The following CTNNA2 variants were observed in gnomAD, a reference collection of about 807,000 sequenced individuals.
The protein encoded by CTNNA2 is catenin alpha-2.
In CTNNA2, 42 loss-of-function variants were observed where a neutral mutation model predicts 101.0. That is an observed-to-expected ratio of 0.42 (90% CI 0.32 to 0.54). CTNNA2 has a LOEUF of 0.54. CTNNA2 is among the 20% of genes least tolerant of loss of function. The pLI, the probability that CTNNA2 is intolerant of heterozygous loss-of-function variation, is 0.14. For synonymous variants in CTNNA2, 450 were observed against 456.4 expected (o/e 0.99, Z 0.18); for missense variants, 871 against 1,223.1 (o/e 0.71, Z 4.29).
chr2:80,477,903 G>A (rs971969022), intron 9 of CTNNA2, among the ~76,000 whole-genome samples: 2 of 152,086 alleles, frequency 1.3e-5, no homozygotes, highest in African/African-American at 4.8e-5. Context: ...CCTTTGGGTA[G>A]ATATCCAGTA....
intron 8 of CTNNA2, among the ~76,000 whole-genome samples, chr2:80,408,596 T>C (rs376949372): frequency 1.3e-5 from 2 of 152,342 alleles, no homozygotes; most frequent in Middle Eastern, 3.4e-3. Context: ...AAGAAGCTTG[T>C]GCCTATTCAC....
rs565180019 is a variant in CTNNA2 at position 80,506,658 on chromosome 2, A to G, written c.1291-38324A>G. ...AGAGTCTATCTTAAATGCTGTGTGG[A>G]GGAAATAGATTAAGTGGGACAACTC... On this transcript the variant is annotated intron_variant, in intron 9 of 18. Coordinates refer to ENST00000402739, the MANE Select transcript of CTNNA2 (RefSeq NM_001282597.3). Among the ~76,000 whole-genome samples, 3 of 152,234 alleles carry G rather than the reference A, an allele frequency of 2.0e-5. No individual in the cohort carries two copies. In the South Asian group the frequency reaches 6.2e-4, roughly 32 times the overall value.
At chr2:80,172,095 G>T (rs751864190) in intron 7 of CTNNA2, among the ~76,000 whole-genome samples, 2 of 152,148 alleles carry the variant, frequency 1.3e-5, no homozygotes, top group Non-Finnish European at 2.9e-5. Context: ...TCATGACAGG[G>T]AGCGGTTTCC....
intron 4 of CTNNA2, among the ~76,000 whole-genome samples, chr2:79,435,217 G>A (rs1000344270): frequency 8.5e-5 from 13 of 152,142 alleles, no homozygotes; most frequent in Non-Finnish European, 1.8e-4. Context: ...TAAAATACCT[G>A]CATTAAGTCA....
chr2:79,811,118 G>A lies in CTNNA2; in HGVS notation c.299-46895G>A, dbSNP rs12615673. ...GGATCGCCACACTGACTTCCACAAT[G>A]GTTGAACTAGTTTACAGTCCCACCA... On this transcript the variant is annotated intron_variant, in intron 3 of 18. Transcript: ENST00000402739. 7.3e-5 allele frequency among the ~76,000 whole-genome samples: 11 copies of A among 151,358 alleles called. 1 individual carries two copies. The South Asian group carries it at 1.7e-3, about 23-fold the overall frequency.
intron 7 of CTNNA2, among the ~76,000 whole-genome samples, chr2:80,324,596 G>A (rs1679062013): frequency 2.0e-5 from 3 of 152,198 alleles, no homozygotes; most frequent in Admixed American, 6.5e-5. Flanking sequence ...ATTCTTGGAT[G>A]TGGGGGAGAC....
At chr2:80,168,471 G>C (rs1347004348) in intron 7 of CTNNA2, among the ~76,000 whole-genome samples, 1 of 152,056 alleles carries the variant, frequency 6.6e-6, no homozygotes, top group Non-Finnish European at 1.5e-5. Flanking sequence ...GTACAGTCTT[G>C]TCTCAGTGTC....
chr2:79,699,347 G>A (rs1684841652), intron 2 of CTNNA2, among the ~76,000 whole-genome samples: 1 of 151,988 alleles, frequency 6.6e-6, no homozygotes, highest in South Asian at 2.1e-4. Context: ...ATAAAAACAT[G>A]TACCTCATTG....
At chr2:79,604,899 A>G (rs1416600523) in intron 1 of CTNNA2, among the ~76,000 whole-genome samples, 1 of 152,220 alleles carries the variant, frequency 6.6e-6, no homozygotes, top group Non-Finnish European at 1.5e-5. Context: ...GTGTCACAGA[A>G]CAAAGCTTAT....
chr2:80,158,565 C>A (rs1474569353), intron 7 of CTNNA2, among the ~76,000 whole-genome samples: 1 of 152,196 alleles, frequency 6.6e-6, no homozygotes, highest in Non-Finnish European at 1.5e-5. Flanking sequence ...CCCTCCTTAA[C>A]CCTTAACAAC....
At chr2:79,186,088 C>T (rs72816668) in intron 1 of CTNNA2, among the ~76,000 whole-genome samples, 2,613 of 152,248 alleles carry the variant, frequency 0.017, 32 homozygotes, top group Middle Eastern at 0.034. Context: ...TATTTTACTA[C>T]TCTGGCAACA....
At chr2:80,131,234 T>C (rs1702398548) in intron 7 of CTNNA2, among the ~76,000 whole-genome samples, 1 of 152,110 alleles carries the variant, frequency 6.6e-6, no homozygotes, top group African/African-American at 2.4e-5. Flanking sequence ...AATTTTTGTA[T>C]ATTTAGTAGA....
chr2:80,569,733 C>G lies in CTNNA2; in HGVS notation c.1742-4430C>G, dbSNP rs548637199. ...CCTCGGCTCACTGCAAGCTCTGCCT[C>G]CCAGATTCATGCCATTCTCCTGCCT... On this transcript the variant is annotated intron_variant, in intron 12 of 18. Coordinates refer to ENST00000402739, the MANE Select transcript of CTNNA2 (RefSeq NM_001282597.3). Among the ~76,000 whole-genome samples, 316 of 144,560 alleles carry G rather than the reference C, an allele frequency of 2.2e-3. 1 individual carries two copies. Among genetic ancestry groups the G allele is most frequent in the Middle Eastern group, 7.7e-3 (2 of 260 alleles). 94.8% of individuals were successfully genotyped at this position (144,560 alleles called of 152,430 possible). A position where few individuals can be genotyped will look rare whatever the true frequency, so the allele number is the denominator to read the frequency against.
chr2:80,332,909 A>C (rs1161365248), intron 7 of CTNNA2, among the ~76,000 whole-genome samples: 1 of 152,200 alleles, frequency 6.6e-6, no homozygotes, highest in Non-Finnish European at 1.5e-5. Context: ...GAATGAGTTT[A>C]TGTTTTTAAA....
chr2:79,573,233 A>G (rs1174966745), intron 1 of CTNNA2, among the ~76,000 whole-genome samples: 1 of 152,194 alleles, frequency 6.6e-6, no homozygotes, highest in African/African-American at 2.4e-5. Flanking sequence ...CCTTACAACG[A>G]ACTTTTTTTG....
intron 1 of CTNNA2, among the ~76,000 whole-genome samples, chr2:79,610,747 G>C (rs1415331081): frequency 6.6e-6 from 1 of 152,104 alleles, no homozygotes; most frequent in Admixed American, 6.6e-5. Flanking sequence ...TGATGAAGGA[G>C]CACAAGGAAA....
intron 3 of CTNNA2, among the ~76,000 whole-genome samples, chr2:79,854,649 G>A (rs561070939): frequency 5.3e-5 from 8 of 152,150 alleles, no homozygotes; most frequent in Non-Finnish European, 8.8e-5. Flanking sequence ...GTTATTTTCC[G>A]TTGGTCCCTT....
At chr2:80,202,751 C>T (rs989522212) in intron 7 of CTNNA2, among the ~76,000 whole-genome samples, 1 of 150,810 alleles carries the variant, frequency 6.6e-6, no homozygotes, top group Admixed American at 6.6e-5. Context: ...AAGAAAAAGA[C>T]AAAGCTACCT....
At chr2:79,289,783 G>A (rs1295626733) in intron 2 of CTNNA2, among the ~76,000 whole-genome samples, 1 of 152,102 alleles carries the variant, frequency 6.6e-6, no homozygotes, top group African/African-American at 2.4e-5. Flanking sequence ...CAGCAACCAA[G>A]TTCTCTGTTT....
Sources: allele counts gnomAD v4.1 joint callset (sites outside exome capture counted in the v4.1 genomes callset), GRCh38; gene constraint gnomAD v4.1.1; transcripts MANE v1.5; gene names NCBI Gene and HGNC (gene_info 2026-07-23, HGNC 2026-07-21).